The following VWA8 variants were observed in gnomAD, a reference collection of about 807,000 sequenced individuals.
The protein encoded by VWA8 is von Willebrand factor A domain containing 8.
In VWA8, 221 loss-of-function variants were observed where a neutral mutation model predicts 241.5. That is an observed-to-expected ratio of 0.91 (90% CI 0.82 to 1.02). VWA8 has a LOEUF of 1.02. Ranked by LOEUF, VWA8 falls within the 50% of genes least tolerant of loss-of-function variation. The pLI is 0.00. For missense variants in VWA8, 2,322 were observed against 2,328.7 expected, an observed-to-expected ratio of 1.00 and a Z score of 0.06; for synonymous variants, 852 against 827.1, an observed-to-expected ratio of 1.03 and a Z score of -0.52.
At chr13:41,658,023 G>C (rs1227246849) in intron 37 of VWA8, among the ~76,000 whole-genome samples, 1 of 152,240 alleles carries the variant, frequency 6.6e-6, no homozygotes, top group Admixed American at 6.5e-5. Flanking sequence ...CAAAGTTAAA[G>C]AGGTTTCTTT....
chr13:41,759,144 G>A (rs2045720808), intron 21 of VWA8, among the ~76,000 whole-genome samples: 1 of 151,494 alleles, frequency 6.6e-6, no homozygotes, highest in African/African-American at 2.4e-5. Context: ...CAGGTCTGCT[G>A]ATAAAAAAAC....
chr13:41,819,125 A>C (rs751146298), intron 15 of VWA8, 93 bp downstream of exon 15: 32 of 1,353,730 alleles, frequency 2.4e-5, no homozygotes, highest in Non-Finnish European at 3.1e-5. Context: ...AGAAAAAACT[A>C]AAAATGTCTA....
Position 41,692,524 on chromosome 13 carries a change from C to T in VWA8, c.3675+338G>A, listed in dbSNP as rs556393171. 2.0e-5 allele frequency among the ~76,000 whole-genome samples: 3 copies of T among 152,066 alleles called. No homozygotes were observed. In the South Asian group the frequency reaches 6.2e-4, roughly 32 times the overall value. On this transcript the variant is annotated intron_variant, in intron 30 of 44. Transcript: ENST00000379310. ...ACAGTTTCATCATATAAATCCAAAACATAACTACATAACTGGAAAACAGGT... is the reference window on the plus strand; with the variant it reads ...ACAGTTTCATCATATAAATCCAAAATATAACTACATAACTGGAAAACAGGT...
At chr13:41,960,784 CG>C in intron 1 of VWA8, 68 bp downstream of exon 1, 3 of 1,455,902 alleles carry the variant, frequency 2.1e-6, no homozygotes, top group East Asian at 2.8e-5. Flanking sequence ...AGAGGAGGGG[CG>C]GGGGCGCGCG....
At chr13:41,808,808 A>T (rs1870338767) in intron 17 of VWA8, among the ~76,000 whole-genome samples, 2 of 152,128 alleles carry the variant, frequency 1.3e-5, no homozygotes, top group African/African-American at 4.8e-5. Context: ...AAAGGAAAAA[A>T]TTACATTATC....
At chr13:41,632,016 C>G (rs1035878616) in intron 37 of VWA8, among the ~76,000 whole-genome samples, 1 of 152,110 alleles carries the variant, frequency 6.6e-6, no homozygotes, top group African/African-American at 2.4e-5. Flanking sequence ...CTTTTAAGAG[C>G]CTTCAAAAGG....
intron 26 of VWA8, among the ~76,000 whole-genome samples, chr13:41,709,857 C>T (rs2045305502): frequency 1.3e-5 from 2 of 151,482 alleles, no homozygotes; most frequent in African/African-American, 4.8e-5. Context: ...TCATTGTGCT[C>T]CACAGCCTTG....
In VWA8 at chr13:41,937,710, C is replaced by T. The variant is rs78689025; in HGVS notation, c.241+12226G>A. On this transcript the variant is annotated intron_variant, in intron 2 of 44. Coordinates refer to ENST00000379310, the MANE Select transcript of VWA8 (RefSeq NM_015058.2). ...GATGTTACAAGGATCAATGAAATCA[C>T]TTAATGATGCATTTCTCAGAAGACA... is the stretch of plus-strand genomic sequence containing the variant. Among the ~76,000 whole-genome samples, 167 of 152,296 alleles carry T rather than the reference C, an allele frequency of 1.1e-3. 1 individual carries two copies. In the East Asian group the frequency reaches 0.024, roughly 22 times the overall value.
At chr13:41,885,869 C>CA (rs2138078206) in intron 8 of VWA8, 51 bp downstream of exon 8, 2 of 1,352,132 alleles carry the variant, frequency 1.5e-6, no homozygotes, top group East Asian at 4.9e-5. Context: ...GATTAACTTT[C>CA]AAAATTTTTA....
At chr13:41,636,318 A>C (rs1015002791) in intron 37 of VWA8, among the ~76,000 whole-genome samples, 1 of 152,170 alleles carries the variant, frequency 6.6e-6, no homozygotes. Flanking sequence ...CAAAAACAAG[A>C]AATGGGGAAA....
intron 9 of VWA8, among the ~76,000 whole-genome samples, chr13:41,879,093 A>C (rs1874043382): frequency 6.6e-6 from 1 of 152,124 alleles, no homozygotes; most frequent in African/African-American, 2.4e-5. Flanking sequence ...TGGAGTCACG[A>C]CCTTTGATCT....
chr13:41,784,697 C>CATATATATATAT (rs59582293), intron 18 of VWA8, among the ~76,000 whole-genome samples: 752 of 56,828 alleles, frequency 0.013, 21 homozygotes, highest in Middle Eastern at 0.039. Flanking sequence ...TATACATATA[C>CATATATATATAT]ATATATATAT....
intron 9 of VWA8, among the ~76,000 whole-genome samples, chr13:41,872,174 T>C (rs1301014805): frequency 6.6e-6 from 1 of 152,188 alleles, no homozygotes; most frequent in Non-Finnish European, 1.5e-5. Context: ...TCTTGTAAAT[T>C]TGTTTGAGTT....
chr13:41,662,850 T>C (rs1368488255), intron 37 of VWA8, among the ~76,000 whole-genome samples: 1 of 152,128 alleles, frequency 6.6e-6, no homozygotes, highest in African/African-American at 2.4e-5. Context: ...CATTAAAATA[T>C]GGTGCCAGCT....
At chr13:41,741,124 C>T (rs938036022) in intron 21 of VWA8, among the ~76,000 whole-genome samples, 2 of 152,104 alleles carry the variant, frequency 1.3e-5, no homozygotes, top group East Asian at 1.9e-4. Flanking sequence ...CGTATTTTAA[C>T]GATCTCATTC....
At chr13:41,881,276 C>T (rs1007829973) in intron 9 of VWA8, among the ~76,000 whole-genome samples, 22 of 146,672 alleles carry the variant, frequency 1.5e-4, no homozygotes, top group Non-Finnish European at 2.5e-4. Flanking sequence ...TTCTGCATTC[C>T]CTGACCTAAT....
At chr13:41,638,548 G>A (rs2044774266) in intron 37 of VWA8, among the ~76,000 whole-genome samples, 1 of 152,142 alleles carries the variant, frequency 6.6e-6, no homozygotes, top group Non-Finnish European at 1.5e-5. Context: ...GGGTTTCAAT[G>A]AAGAGGGAAC....
chr13:41,892,137 A>G (rs185239062), intron 4 of VWA8, among the ~76,000 whole-genome samples: 4 of 152,346 alleles, frequency 2.6e-5, no homozygotes, highest in Admixed American at 6.5e-5. Flanking sequence ...ACATTGGCCA[A>G]TAGCAGACTG....
At chr13:41,883,249 G>T (rs1048633834) in intron 9 of VWA8, 138 bp downstream of exon 9, 3 of 622,502 alleles carry the variant, frequency 4.8e-6, no homozygotes, top group Admixed American at 5.8e-5. Flanking sequence ...GTAAAGAATG[G>T]AGGGGAAGGG....
Sources: allele counts gnomAD v4.1 joint callset (sites outside exome capture counted in the v4.1 genomes callset), GRCh38; gene constraint gnomAD v4.1.1; transcripts MANE v1.5; gene names NCBI Gene and HGNC (gene_info 2026-07-23, HGNC 2026-07-21).